The following WDR7 variants were observed in gnomAD, a reference collection of about 807,000 sequenced individuals.
WDR7 encodes WD repeat domain 7.
In WDR7, 46 loss-of-function variants were observed where a neutral mutation model predicts 169.4. The ratio of observed to expected loss-of-function variants is 0.27; its 90% CI spans 0.21 to 0.35. WDR7 has a LOEUF of 0.35. Among genes scored for constraint, WDR7 ranks in the 10% least tolerant of loss-of-function variants. The pLI is 1.00. For missense variants in WDR7, 1,534 were observed against 1,859.3 expected (o/e 0.83, Z 3.22); for synonymous variants, 612 against 666.8 (o/e 0.92, Z 1.27).
intron 22 of WDR7, among the ~76,000 whole-genome samples, chr18:56,932,050 T>C (rs1300517727): frequency 2.0e-5 from 3 of 152,150 alleles, no homozygotes; most frequent in Non-Finnish European, 4.4e-5. Flanking sequence ...GGAAGATGAC[T>C]ATGATGACGG....
chr18:56,706,811 C>T (rs1364106037), intron 12 of WDR7, among the ~76,000 whole-genome samples: 1 of 151,422 alleles, frequency 6.6e-6, no homozygotes, highest in Non-Finnish European at 1.5e-5. Flanking sequence ...ACTCAGCCTC[C>T]CGAGTAGCTG....
intron 21 of WDR7, among the ~76,000 whole-genome samples, chr18:56,916,777 GAATAA>G (rs1184851723): frequency 2.0e-5 from 3 of 152,180 alleles, no homozygotes; most frequent in Non-Finnish European, 4.4e-5. Context: ...TGTTTTAAAT[GAATAA>G]AATAATTGTA....
intron 26 of WDR7, among the ~76,000 whole-genome samples, chr18:57,009,078 C>T (rs1336662220): frequency 1.3e-5 from 2 of 152,184 alleles, no homozygotes; most frequent in Admixed American, 1.3e-4. Context: ...TATTTTGCCA[C>T]AGTAATTACT....
At chr18:56,697,068 CT>C (rs11387786) in intron 12 of WDR7, among the ~76,000 whole-genome samples, 6 of 151,672 alleles carry the variant, frequency 4.0e-5, no homozygotes, top group African/African-American at 1.5e-4. Context: ...GATAACAGTA[CT>C]TTTTTTTATT....
the WDR7 span, chr18:57,035,489 G>T: frequency 6.6e-6 from 1 of 152,386 alleles, no homozygotes; most frequent in East Asian, 1.9e-4. Context: ...GAACAGGAAA[G>T]CTCAGAGTGA....
Position 57,029,638 on chromosome 18 carries a change from T to C in WDR7, c.*2431T>C. ...GCAAAAGATGACATGACGTGACACC[T>C]GTATGAAAATGTGATGATTGAACTC... On this transcript the variant is annotated 3_prime_UTR_variant, in exon 28 of 28. Transcript: ENST00000254442. The C allele has an allele frequency of 6.6e-6, 1 of 152,066 alleles. No individual in the cohort carries two copies. 9.4% of individuals were successfully genotyped at this position (152,066 alleles called of 1,614,324 possible).
rs1307740665 is a variant in WDR7 at position 56,757,202 on chromosome 18, C to T, written c.2609C>T (p.Pro870Leu). 3 of 1,613,936 alleles carry T rather than the reference C, an allele frequency of 1.9e-6. No homozygotes were observed. The highest frequency in any genetic ancestry group is 2.5e-6 in the Non-Finnish European group (3 of 1,180,002). ...HGKTEVGRKL[P>L]ASEGVGKGTY... is the part of the protein sequence containing the mutation. ...AAAACAGAAGTAGGAAGGAAGCTGC[C>T]AGCGTCTGAGGGAGTAGGAAAGGGA... Residue 870 changes from proline to leucine, a missense_variant, in exon 15 of 28, where the codon CCA becomes CTA. Pro to Leu is a moderately conservative substitution (Grantham distance 98). Transcript: ENST00000254442.
intron 16 of WDR7, among the ~76,000 whole-genome samples, chr18:56,762,713 A>G (rs1371679691): frequency 6.6e-6 from 1 of 151,872 alleles, no homozygotes; most frequent in East Asian, 1.9e-4. Context: ...ATTTGACTTT[A>G]TCCTTTCTAG....
chr18:56,880,508 T>C (rs948462228), intron 21 of WDR7, among the ~76,000 whole-genome samples: 5 of 152,236 alleles, frequency 3.3e-5, no homozygotes, highest in Non-Finnish European at 7.4e-5. Flanking sequence ...TTGTTCTGAA[T>C]GTGGTTTGAA....
At chr18:56,829,662 A>G (rs1019579725) in intron 20 of WDR7, among the ~76,000 whole-genome samples, 6 of 152,242 alleles carry the variant, frequency 3.9e-5, no homozygotes, top group African/African-American at 1.4e-4. Flanking sequence ...CAGTGCTGAT[A>G]AAGTTATCAA....
chr18:56,754,379 A>G (rs556109108), intron 14 of WDR7, among the ~76,000 whole-genome samples: 12 of 150,864 alleles, frequency 8.0e-5, no homozygotes, highest in Non-Finnish European at 1.3e-4. Flanking sequence ...ACACGTATAT[A>G]TGTGTATATA....
At chr18:57,018,028 A>G (rs559275377) in intron 26 of WDR7, among the ~76,000 whole-genome samples, 3 of 152,238 alleles carry the variant, frequency 2.0e-5, no homozygotes, top group Non-Finnish European at 2.9e-5. Context: ...TGCTAGCCTC[A>G]AAGAAAGGGT....
chr18:56,830,423 A>G (rs1434187428), intron 20 of WDR7, among the ~76,000 whole-genome samples: 1 of 152,142 alleles, frequency 6.6e-6, no homozygotes, highest in Non-Finnish European at 1.5e-5. Flanking sequence ...TGCCCTCATT[A>G]TTTTCTCATG....
chr18:56,987,626 C>T (rs560851369), intron 26 of WDR7, among the ~76,000 whole-genome samples: 19 of 152,230 alleles, frequency 1.2e-4, no homozygotes, highest in African/African-American at 3.9e-4. Flanking sequence ...ACTAAAGTTA[C>T]GTATTTGGGC....
At chr18:56,776,682 G>A in intron 16 of WDR7, 100 bp from the exon 17 acceptor site, 1 of 927,772 alleles carries the variant, frequency 1.1e-6, no homozygotes, top group Non-Finnish European at 1.8e-6. Flanking sequence ...TCTCTGTTTT[G>A]CCTACTTTGT....
At position 57,026,919 on chromosome 18, in the gene WDR7, T is replaced by C. The variant is rs996268167; in HGVS notation, c.4270-85T>C. 5.2e-6 allele frequency: 7 copies of C among 1,359,168 alleles called. No individual in the cohort carries two copies. The African/African-American group carries it at 8.6e-5, about 17-fold the overall frequency. 84.2% of individuals were successfully genotyped at this position (1,359,168 alleles called of 1,614,324 possible). ...AGAATAACCATGATGGAGGGGAAAG[T>C]AGCCAGGAGAGATCGACCCAGTCTC... On this transcript the variant is annotated intron_variant, in intron 27 of 27. Coordinates refer to ENST00000254442, the MANE Select transcript of WDR7 (RefSeq NM_015285.3).
intron 22 of WDR7, among the ~76,000 whole-genome samples, chr18:56,931,536 G>A (rs993428631): frequency 6.6e-6 from 1 of 152,130 alleles, no homozygotes; most frequent in Admixed American, 6.5e-5. Flanking sequence ...CTACCACCAT[G>A]TCCAGGGGCT....
intron 23 of WDR7, among the ~76,000 whole-genome samples, chr18:56,937,756 A>G (rs192863794): frequency 6.6e-6 from 1 of 152,300 alleles, no homozygotes; most frequent in African/African-American, 2.4e-5. Context: ...CTCAAACAGT[A>G]AGGGAGTTAG....
intron 25 of WDR7, among the ~76,000 whole-genome samples, chr18:56,953,244 A>G (rs2047206906): frequency 1.3e-5 from 2 of 152,220 alleles, no homozygotes; most frequent in East Asian, 3.8e-4. Context: ...TCCACTCAGT[A>G]TACTTATTAA....
Sources: gnomAD v4.1 joint callset for allele counts (sites outside exome capture counted in the v4.1 genomes callset) on GRCh38, gnomAD v4.1.1 for gene constraint, MANE v1.5 for transcripts, NCBI Gene and HGNC (gene_info 2026-07-23, HGNC 2026-07-21) for gene names.